The following ANO3 variants were observed in gnomAD, a reference collection of about 807,000 sequenced individuals.
The protein encoded by ANO3 is anoctamin-3.
Under a neutral mutation model 144.8 loss-of-function variants are expected in ANO3, and 99 were observed. The ratio of observed to expected loss-of-function variants is 0.68; its 90% CI spans 0.58 to 0.81. The LOEUF is 0.81. Among genes scored for constraint, ANO3 ranks in the 30% least tolerant of loss-of-function variants. ANO3 has a pLI of 0.00. For missense variants in ANO3, 905 were observed against 1,202.2 expected (o/e 0.75, Z 3.66); for synonymous variants, 414 against 392.6 (o/e 1.05, Z -0.64).
At position 26,605,922 on chromosome 11, in the gene ANO3, A is replaced by G. The variant is rs1037059865; in HGVS notation, c.1836+6208A>G. The stretch of plus-strand genomic sequence containing the variant: ...CATTCATTTTTTTGAAGGGGTTTTC[A>G]TGTCTCTACCTCCTTCTGTTCTGCT... On this transcript the variant is annotated intron_variant, in intron 17 of 26. Coordinates refer to ENST00000256737, the MANE Select transcript of ANO3 (RefSeq NM_031418.4). Among the ~76,000 whole-genome samples, 8 of 150,402 alleles carry G rather than the reference A, an allele frequency of 5.3e-5. No individual in the cohort carries two copies. In the South Asian group the frequency reaches 1.7e-3, roughly 31 times the overall value.
upstream of ANO3, among the ~76,000 whole-genome samples, chr11:26,306,982 TG>T (rs958242325): frequency 1.6e-4 from 24 of 152,140 alleles, no homozygotes; most frequent in African/African-American, 4.8e-4. Context: ...ATATAATCTA[TG>T]GGGCCTTAAA....
chr11:26,625,712 C>A (rs141529802), intron 18 of ANO3, among the ~76,000 whole-genome samples: 75 of 152,200 alleles, frequency 4.9e-4, no homozygotes, highest in African/African-American at 1.7e-3. Flanking sequence ...ACTTGATTTT[C>A]TTCTTAGAGT....
intron 4 of ANO3, among the ~76,000 whole-genome samples, chr11:26,463,957 T>C (rs955798786): frequency 7.2e-5 from 11 of 151,814 alleles, no homozygotes; most frequent in African/African-American, 2.7e-4. Flanking sequence ...AAAAAGATAG[T>C]TGGATATTAA....
chr11:26,432,950 T>A (rs1362806291), intron 1 of ANO3, among the ~76,000 whole-genome samples: 3 of 152,228 alleles, frequency 2.0e-5, no homozygotes, highest in African/African-American at 7.2e-5. Flanking sequence ...ATATCATTGG[T>A]AGTTTGATAG....
intron 1 of ANO3, among the ~76,000 whole-genome samples, chr11:26,198,778 G>T (rs970146256): frequency 6.6e-6 from 1 of 152,060 alleles, no homozygotes; most frequent in Admixed American, 6.5e-5. Flanking sequence ...TTTAAGCTAC[G>T]CCTGAAGCCA....
Position 26,361,057 on chromosome 11 carries a change from A to G in ANO3, c.46+28736A>G, listed in dbSNP as rs572027261. Reference sequence around the variant, plus strand: ...TATACTCAGCATGTGACAACATTTTATACTTGGTTTCCAGGAGTCAGGAAA... The same window carrying G: ...TATACTCAGCATGTGACAACATTTTGTACTTGGTTTCCAGGAGTCAGGAAA... On this transcript the variant is annotated intron_variant, in intron 1 of 26. Coordinates refer to ENST00000256737, the MANE Select transcript of ANO3 (RefSeq NM_031418.4). 2.0e-5 allele frequency among the ~76,000 whole-genome samples: 3 copies of G among 152,330 alleles called. No homozygotes were observed. The South Asian group carries it at 6.2e-4, about 32-fold the overall frequency.
chr11:26,573,861 T>C (rs759754208), intron 14 of ANO3, among the ~76,000 whole-genome samples: 3 of 152,200 alleles, frequency 2.0e-5, no homozygotes, highest in Non-Finnish European at 4.4e-5. Flanking sequence ...AAACTGTACG[T>C]AAATTTAATG....
chr11:26,330,786 A>G (rs928670649), upstream of ANO3, among the ~76,000 whole-genome samples: 18 of 152,202 alleles, frequency 1.2e-4, 1 homozygote, highest in South Asian at 2.5e-3. Flanking sequence ...CTTTTGTATC[A>G]TGCACCACAG....
chr11:26,365,973 TATATATATATATATATATATA>T (rs1434249594), intron 1 of ANO3, among the ~76,000 whole-genome samples: 2,117 of 53,428 alleles, frequency 0.04, 125 homozygotes, highest in African/African-American at 0.1. Flanking sequence ...TATATATATA[TATATATATATATATATATATA>T]TATATATATT....
intron 3 of ANO3, among the ~76,000 whole-genome samples, chr11:26,454,776 A>G (rs1859086719): frequency 6.6e-6 from 1 of 151,542 alleles, no homozygotes; most frequent in Non-Finnish European, 1.5e-5. Flanking sequence ...ACAAAAAAAG[A>G]GAATTTTAGA....
At position 26,442,003 on chromosome 11, in the gene ANO3, CGCT is replaced by C. The variant is rs1565027100; in HGVS notation, c.133_135del (p.Ala45del). 1 of 1,614,124 alleles carries C rather than the reference CGCT, an allele frequency of 6.2e-7. No individual in the cohort carries two copies. Among genetic ancestry groups the C allele is most frequent in the Non-Finnish European group, 8.5e-7 (1 of 1,179,970 alleles). On this transcript the variant is annotated inframe_deletion, in exon 2 of 27. Transcript: ENST00000256737. Reference sequence around the variant, plus strand: ...CCCTGCCTTGCCTCGCCCAGAGCTACGCTTACTCAAAGAGCTTGAGCCAGTCTA... The same window carrying C: ...CCCTGCCTTGCCTCGCCCAGAGCTACTACTCAAAGAGCTTGAGCCAGTCTA...
At position 26,501,663 on chromosome 11, in the gene ANO3, C is replaced by G. The variant is rs138160082; in HGVS notation, c.433-6441C>G. 1.9e-3 allele frequency among the ~76,000 whole-genome samples: 287 copies of G among 152,304 alleles called. 1 individual carries two copies. The highest frequency in any genetic ancestry group is 6.5e-3 in the African/African-American group (272 of 41,572). On this transcript the variant is annotated intron_variant, in intron 4 of 26. Coordinates refer to ENST00000256737, the MANE Select transcript of ANO3 (RefSeq NM_031418.4). ...CATAAATTGGATCAGGGCCTTTACC[C>G]AACAAGCTCCACATCAGGTCAAGAT...
intron 4 of ANO3, among the ~76,000 whole-genome samples, chr11:26,500,863 G>A (rs1602938): frequency 0.6 from 90,864 of 151,686 alleles, 27,886 homozygotes; most frequent in East Asian, 0.68. Flanking sequence ...GCTATTAGGA[G>A]GAAACAGTTG....
At chr11:26,221,982 C>G (rs895855143) in intron 1 of ANO3, among the ~76,000 whole-genome samples, 1 of 152,166 alleles carries the variant, frequency 6.6e-6, no homozygotes, top group Admixed American at 6.5e-5. Flanking sequence ...GCCCCTGAAC[C>G]CCTAAATTTT....
chr11:26,523,863 T>C (rs1319478526), intron 6 of ANO3, among the ~76,000 whole-genome samples: 1 of 152,182 alleles, frequency 6.6e-6, no homozygotes, highest in Non-Finnish European at 1.5e-5. Flanking sequence ...CCTCTCCATA[T>C]TATTTTATAA....
chr11:26,407,535 A>G (rs1857321568), intron 1 of ANO3, among the ~76,000 whole-genome samples: 2 of 151,852 alleles, frequency 1.3e-5, no homozygotes, highest in Admixed American at 1.3e-4. Context: ...TTCTAGTCCC[A>G]TAGCCACAGC....
At chr11:26,488,179 A>C (rs1860543205) in intron 4 of ANO3, among the ~76,000 whole-genome samples, 1 of 152,162 alleles carries the variant, frequency 6.6e-6, no homozygotes. Flanking sequence ...AAACAAAACA[A>C]AATAAAACAA....
At chr11:26,515,644 T>G (rs1358603556) in intron 5 of ANO3, among the ~76,000 whole-genome samples, 1 of 151,986 alleles carries the variant, frequency 6.6e-6, no homozygotes, top group Admixed American at 6.6e-5. Flanking sequence ...TTTTAAAACA[T>G]ATATGATTTT....
intron 6 of ANO3, among the ~76,000 whole-genome samples, chr11:26,518,732 C>T (rs1215426506): frequency 6.6e-6 from 1 of 151,556 alleles, no homozygotes; most frequent in African/African-American, 2.4e-5. Context: ...ACAAAGATTT[C>T]TTAGTGATTT....
Sources: allele counts gnomAD v4.1 joint callset (sites outside exome capture counted in the v4.1 genomes callset), GRCh38; gene constraint gnomAD v4.1.1; transcripts MANE v1.5; gene names NCBI Gene and HGNC (gene_info 2026-07-23, HGNC 2026-07-21).